CPD: variants seen among roughly 807,000 people sequenced by gnomAD.
CPD encodes the protein carboxypeptidase D.
In CPD, 69 loss-of-function variants were observed where a neutral mutation model predicts 138.3. The ratio of observed to expected loss-of-function variants is 0.50; its 90% CI spans 0.41 to 0.61. CPD has a LOEUF of 0.61. Among genes scored for constraint, CPD ranks in the 20% least tolerant of loss-of-function variants. CPD has a pLI of 0.00. For missense variants in CPD, 1,432 were observed against 1,733.3 expected (o/e 0.83, Z 3.09); for synonymous variants, 651 against 642.1 (o/e 1.01, Z -0.21).
chr17:30,461,059 G>A, intron 17 of CPD, 121 bp from the exon 18 acceptor site: 1 of 671,394 alleles, frequency 1.5e-6, no homozygotes, highest in Admixed American at 3.5e-5. Context: ...ATGCTTTACA[G>A]CTTCTTTGTT....
chr17:30,421,593 G>A (rs887397849), intron 3 of CPD, 71 bp from the exon 4 acceptor site: 3 of 1,342,088 alleles, frequency 2.2e-6, no homozygotes, highest in Non-Finnish European at 2.1e-6. Context: ...TCTAGTATCG[G>A]TGCAGAGAGA....
At chr17:30,403,386 A>G (rs921025349) in intron 2 of CPD, among the ~76,000 whole-genome samples, 1 of 152,124 alleles carries the variant, frequency 6.6e-6, no homozygotes, top group Non-Finnish European at 1.5e-5. Flanking sequence ...CAGTTTAGAG[A>G]TGATCCCAGG....
At chr17:30,389,543 A>G (rs1911290475) in intron 2 of CPD, among the ~76,000 whole-genome samples, 1 of 152,232 alleles carries the variant, frequency 6.6e-6, no homozygotes. Flanking sequence ...TGGGGTAAAT[A>G]CTTAACTTTG....
At chr17:30,427,602 A>T (rs193249762) in intron 7 of CPD, 44 bp downstream of exon 7, 1 of 1,554,652 alleles carries the variant, frequency 6.4e-7, no homozygotes, top group East Asian at 2.3e-5. Context: ...TGTTGAGAGC[A>T]TTTGGAAATC....
At chr17:30,423,474 A>G in intron 5 of CPD, 32 bp from the exon 6 acceptor site, 1 of 1,442,956 alleles carries the variant, frequency 6.9e-7, no homozygotes, top group Non-Finnish European at 9.2e-7. Flanking sequence ...AAGAAGGAAA[A>G]AAAGCCTTCC....
intron 2 of CPD, among the ~76,000 whole-genome samples, chr17:30,396,178 A>C (rs1911502909): frequency 6.6e-6 from 1 of 152,178 alleles, no homozygotes; most frequent in South Asian, 2.1e-4. Flanking sequence ...ATTTCTCACT[A>C]TCCTTCAAAG....
At chr17:30,385,356 A>T (rs1305814646) in intron 2 of CPD, 120 bp downstream of exon 2, 1 of 1,235,178 alleles carries the variant, frequency 8.1e-7, no homozygotes, top group Admixed American at 2.4e-5. Context: ...ATTTATTTTT[A>T]TTTTGAAAAT....
intron 19 of CPD, 32 bp downstream of exon 19, chr17:30,462,094 A>C (rs774654773): frequency 1.3e-6 from 2 of 1,553,484 alleles, no homozygotes; most frequent in Admixed American, 4.0e-5. Context: ...GCATCATGTA[A>C]ATTTTTATTC....
chr17:30,386,127 G>A (rs145480247), intron 2 of CPD, among the ~76,000 whole-genome samples: 1,551 of 152,160 alleles, frequency 0.01, 10 homozygotes, highest in Admixed American at 0.015. Flanking sequence ...GCTCCTGGGC[G>A]CAAGCAATAC....
At chr17:30,382,441 C>T (rs1160756310) in intron 1 of CPD, among the ~76,000 whole-genome samples, 2 of 152,242 alleles carry the variant, frequency 1.3e-5, no homozygotes, top group East Asian at 1.9e-4. Flanking sequence ...CCATAAAGTA[C>T]CTGTCAAATA....
chr17:30,451,191 A>G (rs1008858408), intron 13 of CPD, among the ~76,000 whole-genome samples: 1 of 152,242 alleles, frequency 6.6e-6, no homozygotes, highest in Non-Finnish European at 1.5e-5. Flanking sequence ...TTTGAAGCCC[A>G]GTGCAGTTCT....
chr17:30,427,578 T>C lies in CPD; in HGVS notation c.2017+20T>C, dbSNP rs143489604. 1.2e-6 allele frequency: 2 copies of C among 1,606,294 alleles called. No individual in the cohort carries two copies. The highest frequency in any genetic ancestry group is 2.7e-5 in the African/African-American group (2 of 74,738). The stretch of plus-strand genomic sequence containing the variant: ...ATGGAGGTATGGCAACTTTATATTC[T>C]ACTAATCAGTTCTTGTTGAGAGCAT... On this transcript the variant is annotated intron_variant, in intron 7 of 20. Transcript: ENST00000225719.
At chr17:30,417,136 C>A (rs1013430096) in intron 2 of CPD, among the ~76,000 whole-genome samples, 10 of 151,768 alleles carry the variant, frequency 6.6e-5, no homozygotes, top group Non-Finnish European at 4.4e-5. Flanking sequence ...GCACTTCTCA[C>A]TATCTGATAT....
chr17:30,433,450 G>A (rs1467575871), intron 8 of CPD, among the ~76,000 whole-genome samples: 1 of 152,052 alleles, frequency 6.6e-6, no homozygotes. Context: ...TCTCTGTAGG[G>A]TAGACCCATG....
chr17:30,436,184 G>A (rs1195838374), intron 8 of CPD, among the ~76,000 whole-genome samples: 4 of 152,058 alleles, frequency 2.6e-5, no homozygotes, highest in African/African-American at 9.7e-5. Context: ...TTGGTGACAC[G>A]TGCCTGTAGT....
intron 8 of CPD, among the ~76,000 whole-genome samples, chr17:30,432,316 T>G (rs1035202776): frequency 2.0e-5 from 3 of 152,152 alleles, no homozygotes; most frequent in Non-Finnish European, 4.4e-5. Flanking sequence ...TCAAAGTAAG[T>G]CAGTATAATT....
intron 2 of CPD, among the ~76,000 whole-genome samples, chr17:30,400,861 T>G (rs1911641181): frequency 6.7e-6 from 1 of 149,328 alleles, no homozygotes; most frequent in Non-Finnish European, 1.5e-5. Flanking sequence ...GTATTTTTAG[T>G]GGAGATGGGG....
intron 6 of CPD, among the ~76,000 whole-genome samples, chr17:30,425,015 C>T (rs1912366193): frequency 1.3e-5 from 2 of 152,116 alleles, no homozygotes; most frequent in Admixed American, 1.3e-4. Context: ...ATTTTTCCCC[C>T]TAAGGTTCTC....
intron 2 of CPD, among the ~76,000 whole-genome samples, chr17:30,418,553 T>A (rs1912180487): frequency 6.6e-6 from 1 of 152,208 alleles, no homozygotes. Context: ...TTTCATTTTT[T>A]AAATTGTGGT....
Sources: gnomAD v4.1 joint callset for allele counts (sites outside exome capture counted in the v4.1 genomes callset) on GRCh38, gnomAD v4.1.1 for gene constraint, MANE v1.5 for transcripts, NCBI Gene and HGNC (gene_info 2026-07-23, HGNC 2026-07-21) for gene names.